The following DEFB106B variants were observed in gnomAD, a reference collection of about 807,000 sequenced individuals.
DEFB106B encodes the protein beta-defensin 106.
intron 1 of DEFB106B, among the ~76,000 whole-genome samples, chr8:7,484,871 CA>C (rs71537817): frequency 0.029 from 924 of 32,246 alleles, 45 homozygotes; most frequent in East Asian, 0.11. Context: ...GACTCTATCT[CA>C]AAAAAAAAAA....
At chr8:7,484,454 T>C (rs1258073028) in intron 1 of DEFB106B, among the ~76,000 whole-genome samples, 57 of 143,186 alleles carry the variant, frequency 4.0e-4, no homozygotes, top group Admixed American at 3.3e-3. Context: ...CTAGTATGTA[T>C]ACTATGCTAT....
chr8:7,484,048 AATAAT>A (rs1024447216), intron 1 of DEFB106B, among the ~76,000 whole-genome samples: 8 of 132,806 alleles, frequency 6.0e-5, no homozygotes, highest in Admixed American at 2.4e-4. Flanking sequence ...TACTACTAGT[AATAAT>A]ATAGTATATA....
chr8:7,484,150 A>G (rs1262164587), intron 1 of DEFB106B, among the ~76,000 whole-genome samples: 5 of 136,842 alleles, frequency 3.7e-5, no homozygotes, highest in Non-Finnish European at 1.6e-5. Context: ...GTATTATAAT[A>G]GTATATATAC....
At chr8:7,484,048 A>AT (rs1433341285) in intron 1 of DEFB106B, among the ~76,000 whole-genome samples, 8 of 132,796 alleles carry the variant, frequency 6.0e-5, no homozygotes, top group Non-Finnish European at 1.3e-4. Context: ...TACTACTAGT[A>AT]ATAATATAGT....
chr8:7,484,277 C>G (rs1470495258), intron 1 of DEFB106B, among the ~76,000 whole-genome samples: 1 of 137,918 alleles, frequency 7.3e-6, no homozygotes, highest in African/African-American at 2.8e-5. Flanking sequence ...ATACACTATA[C>G]TATATGCTAG....
intron 1 of DEFB106B, among the ~76,000 whole-genome samples, chr8:7,484,431 C>G (rs1304289171): frequency 5.5e-5 from 8 of 146,140 alleles, no homozygotes; most frequent in African/African-American, 2.0e-4. Flanking sequence ...ATACTATATA[C>G]TAGAGTATTA....
chr8:7,484,543 T>TAG (rs1811417188), intron 1 of DEFB106B, among the ~76,000 whole-genome samples: 1 of 139,150 alleles, frequency 7.2e-6, no homozygotes, highest in Non-Finnish European at 1.5e-5. Flanking sequence ...TATTACATAC[T>TAG]AGTATATAAT....
At chr8:7,484,998 A>G (rs1811441974) in intron 1 of DEFB106B, among the ~76,000 whole-genome samples, 1 of 70,154 alleles carries the variant, frequency 1.4e-5, no homozygotes, top group South Asian at 4.8e-4. Context: ...ATACTATGCT[A>G]TACTATAATA....
At chr8:7,485,012 A>T (rs2740058) in intron 1 of DEFB106B, among the ~76,000 whole-genome samples, 8,659 of 43,336 alleles carry the variant, frequency 0.2, 423 homozygotes, top group African/African-American at 0.24. Flanking sequence ...TATAATACTA[A>T]ACTAAACCAA....
intron 1 of DEFB106B, among the ~76,000 whole-genome samples, chr8:7,484,297 C>T (rs1284179749): frequency 2.1e-5 from 3 of 143,290 alleles, no homozygotes; most frequent in African/African-American, 7.9e-5. Flanking sequence ...GAGTATTATA[C>T]TAGTATATAC....
At chr8:7,484,843 G>T (rs1811432308) in intron 1 of DEFB106B, among the ~76,000 whole-genome samples, 1 of 82,850 alleles carries the variant, frequency 1.2e-5, no homozygotes, top group Non-Finnish European at 2.3e-5. Flanking sequence ...CTGCACTCCA[G>T]CCCGGGGAAC....
At chr8:7,483,603 T>A (rs1811365561) in intron 1 of DEFB106B, among the ~76,000 whole-genome samples, 1 of 105,262 alleles carries the variant, frequency 9.5e-6, no homozygotes, top group African/African-American at 4.1e-5. Context: ...TACAGCCAGG[T>A]GGATTAGTGC....
At chr8:7,483,793 T>A (rs1313424084) in intron 1 of DEFB106B, among the ~76,000 whole-genome samples, 1 of 130,758 alleles carries the variant, frequency 7.6e-6, no homozygotes, top group African/African-American at 3.1e-5. Context: ...GGTATTCAGA[T>A]AAAATCTTTT....
intron 1 of DEFB106B, among the ~76,000 whole-genome samples, chr8:7,485,147 CATA>C (rs1349356688): frequency 2.4e-5 from 1 of 42,026 alleles, no homozygotes; most frequent in African/African-American, 1.0e-4. Flanking sequence ...TCTGTAATTA[CATA>C]ATAATTATAG....
Position 7,486,370 on chromosome 8 carries a change from G to GA in DEFB106B, c.12_13insT (p.Leu5SerfsTer19). The GA allele has an allele frequency of 6.4e-7, 1 of 1,552,946 alleles. No individual in the cohort carries two copies. The highest frequency in any genetic ancestry group is 8.8e-7 in the Non-Finnish European group (1 of 1,135,376). The stretch of plus-strand genomic sequence containing the variant: ...AAGAAGAGCACGGCAAAGAGAAAGA[G>GA]GAAAGTCCTCATGACTGGGTGGGTC... On this transcript the variant is annotated frameshift_variant, in exon 1 of 2. Coordinates refer to ENST00000335479, the MANE Select transcript of DEFB106B (RefSeq NM_001040704.2). LOFTEE classifies it high-confidence loss of function.
intron 1 of DEFB106B, among the ~76,000 whole-genome samples, chr8:7,483,801 T>G (rs1331473410): frequency 1.5e-5 from 2 of 131,300 alleles, no homozygotes; most frequent in Admixed American, 7.9e-5. Flanking sequence ...GATAAAATCT[T>G]TTTGGTTTAG....
At chr8:7,482,884 G>C (rs1397655020) in intron 1 of DEFB106B, 132 bp from the exon 2 acceptor site, 1 of 1,575,284 alleles carries the variant, frequency 6.3e-7, no homozygotes, top group Non-Finnish European at 8.6e-7. Flanking sequence ...CGGTAGATGA[G>C]ATGGTAGGGG....
intron 1 of DEFB106B, among the ~76,000 whole-genome samples, chr8:7,484,138 G>T (rs1173509493): frequency 7.4e-6 from 1 of 135,600 alleles, no homozygotes; most frequent in Admixed American, 7.9e-5. Flanking sequence ...CTATATACTA[G>T]AGTATTATAA....
At chr8:7,484,310 T>C (rs1255772392) in intron 1 of DEFB106B, among the ~76,000 whole-genome samples, 1 of 147,418 alleles carries the variant, frequency 6.8e-6, no homozygotes, top group African/African-American at 2.5e-5. Flanking sequence ...GTATATACAC[T>C]ATACTGTATA....
Sources: gnomAD v4.1 joint callset for allele counts (sites outside exome capture counted in the v4.1 genomes callset) on GRCh38, gnomAD v4.1.1 for gene constraint, MANE v1.5 for transcripts, NCBI Gene and HGNC (gene_info 2026-07-23, HGNC 2026-07-21) for gene names.